ADAMTS12: variants seen among roughly 807,000 people sequenced by gnomAD.
ADAMTS12 encodes ADAM metallopeptidase with thrombospondin type 1 motif 12.
Under a neutral mutation model 167.8 loss-of-function variants are expected in ADAMTS12, and 118 were observed. That is an observed-to-expected ratio of 0.70 (90% CI 0.61 to 0.82). The LOEUF (loss-of-function observed/expected upper bound fraction) is 0.82, where lower values mean the gene tolerates loss of function less well. Among genes scored for constraint, ADAMTS12 ranks in the 40% least tolerant of loss-of-function variants. The probability of loss-of-function intolerance (pLI) is 0.00; values close to 1 mark genes in which losing one functional copy is unlikely to be tolerated. For synonymous variants in ADAMTS12, 704 were observed against 716.9 expected (o/e 0.98, Z 0.29); for missense variants, 1,916 against 1,998.8 (o/e 0.96, Z 0.79).
At position 33,851,430 on chromosome 5, in the gene ADAMTS12, A is replaced by G. The variant is rs74748248; in HGVS notation, c.489+29689T>C. Among the ~76,000 whole-genome samples, 546 of 152,298 alleles carry G rather than the reference A, an allele frequency of 3.6e-3. 6 individuals carry two copies. Among genetic ancestry groups the G allele is most frequent in the African/African-American group, 0.013 (526 of 41,566 alleles). On this transcript the variant is annotated intron_variant, in intron 2 of 23. Coordinates refer to ENST00000504830, the MANE Select transcript of ADAMTS12 (RefSeq NM_030955.4). ...CCATCTCAAAAAAATAAAATAAAAT[A>G]AAAGGAAAGAGGAGTCTATTTGTCA... is the stretch of plus-strand genomic sequence containing the variant.
intron 2 of ADAMTS12, among the ~76,000 whole-genome samples, chr5:33,858,529 A>G (rs1345985510): frequency 6.6e-6 from 1 of 152,072 alleles, no homozygotes; most frequent in African/African-American, 2.4e-5. Flanking sequence ...GTGGTGTTGC[A>G]CACCAGTAGT....
At position 33,524,859 on chromosome 5, in the gene ADAMTS12, C is replaced by T. The variant is rs1240871136; in HGVS notation, c.*2329G>A. 1 of 152,186 alleles carries T rather than the reference C, an allele frequency of 6.6e-6. No individual in the cohort carries two copies. Among genetic ancestry groups the T allele is most frequent in the East Asian group, 1.9e-4 (1 of 5,184 alleles). 9.4% of individuals were successfully genotyped at this position (152,186 alleles called of 1,614,324 possible). ...TGCCTTTGAGAAACTGGAAAAAGACCTAGAATGGAGCACCTGGCCAAACTC... is the reference window on the plus strand; with the variant it reads ...TGCCTTTGAGAAACTGGAAAAAGACTTAGAATGGAGCACCTGGCCAAACTC... On this transcript the variant is annotated 3_prime_UTR_variant, in exon 24 of 24. Coordinates refer to ENST00000504830, the MANE Select transcript of ADAMTS12 (RefSeq NM_030955.4).
At chr5:33,631,572 T>A (rs1739934561) in intron 12 of ADAMTS12, among the ~76,000 whole-genome samples, 1 of 152,144 alleles carries the variant, frequency 6.6e-6, no homozygotes, top group African/African-American at 2.4e-5. Flanking sequence ...AGTTTTCTAC[T>A]CCATTGTGAA....
Position 33,660,313 on chromosome 5 carries a change from G to A in ADAMTS12, c.1040+1603C>T, listed in dbSNP as rs116948061. ...CTGGACTTAAGTCCCAATTGTACCC[G>A]TTAACAGCAATGAGATTTTGGGCAA... is the stretch of plus-strand genomic sequence containing the variant. On this transcript the variant is annotated intron_variant, in intron 6 of 23. Transcript: ENST00000504830. Among the ~76,000 whole-genome samples the A allele has an allele frequency of 3.1e-3, 467 of 152,266 alleles. 7 individuals are homozygous for A. The highest frequency in any genetic ancestry group is 0.029 in the East Asian group (151 of 5,186).
intron 22 of ADAMTS12, among the ~76,000 whole-genome samples, chr5:33,545,300 ACC>A (rs1744915554): frequency 6.6e-6 from 1 of 152,246 alleles, no homozygotes; most frequent in Non-Finnish European, 1.5e-5. Flanking sequence ...GCAAATCAAA[ACC>A]ACAATGAGAT....
intron 2 of ADAMTS12, among the ~76,000 whole-genome samples, chr5:33,775,662 A>T (rs1334557576): frequency 6.6e-6 from 1 of 152,204 alleles, no homozygotes; most frequent in Non-Finnish European, 1.5e-5. Flanking sequence ...GGTGGAGTGC[A>T]GAAATACGAA....
At chr5:33,724,581 T>C (rs938988005) in intron 3 of ADAMTS12, among the ~76,000 whole-genome samples, 3 of 149,898 alleles carry the variant, frequency 2.0e-5, no homozygotes, top group African/African-American at 2.5e-5. Flanking sequence ...AGATGGAGTC[T>C]CGCTCTTTCG....
intron 2 of ADAMTS12, among the ~76,000 whole-genome samples, chr5:33,796,129 C>T (rs540963603): frequency 6.6e-6 from 1 of 152,332 alleles, no homozygotes; most frequent in South Asian, 2.1e-4. Flanking sequence ...CACATACGTA[C>T]TGTGGATATG....
chr5:33,799,273 T>A (rs559682504), intron 2 of ADAMTS12, among the ~76,000 whole-genome samples: 1 of 152,224 alleles, frequency 6.6e-6, no homozygotes, highest in Admixed American at 6.5e-5. Context: ...ACAGAATGTT[T>A]ACTACTTTAG....
chr5:33,572,329 C>T (rs928758111), intron 19 of ADAMTS12, among the ~76,000 whole-genome samples: 7 of 152,152 alleles, frequency 4.6e-5, no homozygotes, highest in African/African-American at 1.4e-4. Context: ...CCTTGATGAA[C>T]ATTGATGCAA....
intron 19 of ADAMTS12, among the ~76,000 whole-genome samples, chr5:33,565,674 GT>G (rs4049324): frequency 0.11 from 13,999 of 126,032 alleles, 548 homozygotes; most frequent in South Asian, 0.22. Flanking sequence ...TTTTTTGTTT[GT>G]TTTTTTTTTT....
chr5:33,577,190 C>T lies in ADAMTS12; in HGVS notation c.2866-30G>A, dbSNP rs192176463. 42 of 1,613,544 alleles carry T rather than the reference C, an allele frequency of 2.6e-5. No individual in the cohort carries two copies. The East Asian group carries it at 3.8e-4, about 15-fold the overall frequency. On this transcript the variant is annotated intron_variant, in intron 18 of 23. Transcript: ENST00000504830. Reference sequence around the variant, plus strand: ...AAGAGAGAAACAGCTGTTAGCCTGGCGAGAGAAGATGCTTTTATTCTCATG... The same window carrying T: ...AAGAGAGAAACAGCTGTTAGCCTGGTGAGAGAAGATGCTTTTATTCTCATG...
intron 18 of ADAMTS12, 128 bp downstream of exon 18, chr5:33,588,471 C>G: frequency 9.2e-7 from 1 of 1,090,546 alleles, no homozygotes; most frequent in Non-Finnish European, 1.4e-6. Context: ...AGGAGACAGG[C>G]CAGGGGTGAT....
chr5:33,568,361 TTGGAGG>T (rs1044953758), intron 19 of ADAMTS12, among the ~76,000 whole-genome samples: 1 of 152,172 alleles, frequency 6.6e-6, no homozygotes, highest in African/African-American at 2.4e-5. Flanking sequence ...GCAAGAAATT[TTGGAGG>T]TGGTTTGAAT....
chr5:33,879,536 G>A (rs1750351531), intron 2 of ADAMTS12, among the ~76,000 whole-genome samples: 2 of 152,140 alleles, frequency 1.3e-5, no homozygotes, highest in Non-Finnish European at 2.9e-5. Flanking sequence ...GCTGGGAAAT[G>A]TTCTGCAGCT....
rs185892481 is a variant in ADAMTS12 at position 33,549,434 on chromosome 5, C to T, written c.4126-51G>A. On this transcript the variant is annotated intron_variant, in intron 20 of 23. Coordinates refer to ENST00000504830, the MANE Select transcript of ADAMTS12 (RefSeq NM_030955.4). ...GATCTCTGAGTCATTGGCATCAGGC[C>T]TCCCTTCCTTCCCCTCAGCCGTGGA... 5.4e-4 allele frequency: 846 copies of T among 1,578,858 alleles called. 1 individual carries two copies. In the African/African-American group the frequency reaches 9.8e-3, roughly 18 times the overall value.
At chr5:33,789,287 T>C (rs997953667) in intron 2 of ADAMTS12, among the ~76,000 whole-genome samples, 1 of 152,100 alleles carries the variant, frequency 6.6e-6, no homozygotes, top group Non-Finnish European at 1.5e-5. Context: ...GTCTATGAAA[T>C]AGGGACACAA....
At chr5:33,786,100 C>T (rs1746314488) in intron 2 of ADAMTS12, among the ~76,000 whole-genome samples, 1 of 152,142 alleles carries the variant, frequency 6.6e-6, no homozygotes, top group Non-Finnish European at 1.5e-5. Flanking sequence ...TATGACATTT[C>T]TTTAAAATGC....
chr5:33,829,846 C>A (rs1253661660), intron 2 of ADAMTS12, among the ~76,000 whole-genome samples: 1 of 152,186 alleles, frequency 6.6e-6, no homozygotes, highest in Non-Finnish European at 1.5e-5. Flanking sequence ...AAAGAATTCA[C>A]CCGCTTCATA....
Sources: allele counts gnomAD v4.1 joint callset (sites outside exome capture counted in the v4.1 genomes callset), GRCh38; gene constraint gnomAD v4.1.1; transcripts MANE v1.5; gene names NCBI Gene and HGNC (gene_info 2026-07-23, HGNC 2026-07-21).